The following ZNF675 variants were observed in gnomAD, a reference collection of about 807,000 sequenced individuals.
ZNF675 encodes zinc finger protein 675, also known as TRAF6 inhibitory zinc finger.
A neutral mutation model predicts 56.1 loss-of-function variants in ZNF675; 36 were observed. That is an observed-to-expected ratio of 0.64 (90% CI 0.49 to 0.85). ZNF675 has a LOEUF of 0.85. ZNF675 is among the 40% of genes least tolerant of loss of function. The pLI is 0.00. For synonymous variants in ZNF675, 200 were observed against 218.9 expected, an observed-to-expected ratio of 0.91 and a Z score of 0.76; for missense variants, 663 against 654.2, an observed-to-expected ratio of 1.01 and a Z score of -0.15.
At chr19:23,654,824 G>A in intron 3 of ZNF675, 118 bp from the exon 4 acceptor site, 1 of 749,570 alleles carries the variant, frequency 1.3e-6, no homozygotes, top group Non-Finnish European at 2.0e-6. Context: ...CCATAATTAA[G>A]TGTATGTGTT....
rs1967947828 is a variant in ZNF675 at position 23,654,078 on chromosome 19, T to C, written c.855A>G (p.Lys285=). The part of the protein sequence containing the change: ...KIIHTGEKPY[K]CEECGKAFNQ... ...TAAAGGCTTTGCCACATTCTTCACATTTGTAGGGTTTCTCTCCTGTATGAA... is the reference window on the plus strand; with the variant it reads ...TAAAGGCTTTGCCACATTCTTCACACTTGTAGGGTTTCTCTCCTGTATGAA... The change falls in exon 4 of 4, where the codon AAA becomes AAG. Residue 285 remains lysine (K), a synonymous_variant. Transcript: ENST00000359788. 6.2e-7 allele frequency: 1 copy of C among 1,613,848 alleles called. No individual in the cohort carries two copies. The highest frequency in any genetic ancestry group is 8.5e-7 in the Non-Finnish European group (1 of 1,180,002).
chr19:23,686,939 C>T, intron 1 of ZNF675, 92 bp downstream of exon 1: 1 of 1,488,862 alleles, frequency 6.7e-7, no homozygotes, highest in Middle Eastern at 1.7e-4. Context: ...GTGGAGCTGA[C>T]TGCGGGGAGG....
chr19:23,658,876 T>TATAGAAATAG (rs1472903851), intron 3 of ZNF675, among the ~76,000 whole-genome samples: 413 of 3,796 alleles, frequency 0.11, 2 homozygotes, highest in African/African-American at 0.17. Flanking sequence ...GATCTATAGA[T>TATAGAAATAG]ATCTATAGAT....
At chr19:23,679,319 A>G (rs1968344944) in intron 1 of ZNF675, among the ~76,000 whole-genome samples, 1 of 151,774 alleles carries the variant, frequency 6.6e-6, no homozygotes, top group Admixed American at 6.6e-5. Context: ...TGGTGCAGTA[A>G]TAACTATTTA....
intron 3 of ZNF675, among the ~76,000 whole-genome samples, chr19:23,661,220 G>A (rs1968072795): frequency 6.6e-6 from 1 of 152,028 alleles, no homozygotes; most frequent in Admixed American, 6.5e-5. Flanking sequence ...TTCTCAGAAA[G>A]CTTCTTTCTA....
chr19:23,685,104 A>G (rs1014287931), intron 1 of ZNF675, among the ~76,000 whole-genome samples: 1 of 152,144 alleles, frequency 6.6e-6, no homozygotes, highest in African/African-American at 2.4e-5. Flanking sequence ...AGCTCGGATT[A>G]CAGGCAGCCA....
At chr19:23,657,960 T>A (rs1428534483) in intron 3 of ZNF675, among the ~76,000 whole-genome samples, 1 of 151,748 alleles carries the variant, frequency 6.6e-6, no homozygotes, top group African/African-American at 2.4e-5. Context: ...AAAAAAACAA[T>A]AAACAGATGT....
intron 1 of ZNF675, among the ~76,000 whole-genome samples, chr19:23,667,339 G>C (rs1301380029): frequency 6.6e-6 from 1 of 152,132 alleles, no homozygotes. Context: ...AAAGAACAAA[G>C]CTTCCACACT....
intron 1 of ZNF675, among the ~76,000 whole-genome samples, chr19:23,674,596 C>T (rs969078167): frequency 5.0e-5 from 7 of 139,444 alleles, no homozygotes; most frequent in African/African-American, 8.3e-5. Flanking sequence ...TGAGCCTGGT[C>T]GACAGAACGA....
rs971847326 is a variant in ZNF675 at position 23,687,127 on chromosome 19, G to A, written c.-94C>T. ...CAGAGGCTGGACCTCTAGGAGCAGA[G>A]GACACAGAGCAATGAAAGCGAGACC... On this transcript the variant is annotated 5_prime_UTR_variant, in exon 1 of 4. Transcript: ENST00000359788. The A allele has an allele frequency of 4.0e-6, 6 of 1,511,584 alleles. No individual in the cohort carries two copies. Among genetic ancestry groups the A allele is most frequent in the Admixed American group, 1.7e-5 (1 of 58,120 alleles). The allele number at this position is 1,511,584 out of a possible 1,614,324, so 93.6% of individuals were successfully genotyped here. A position where few individuals can be genotyped will look rare whatever the true frequency, so the allele number is the denominator to read the frequency against.
In ZNF675 at chr19:23,653,053, C is replaced by T; in HGVS notation, c.*173G>A. 1.6e-6 allele frequency: 1 copy of T among 613,346 alleles called. No homozygotes were observed. The highest frequency in any genetic ancestry group is 4.6e-4 in the Middle Eastern group (1 of 2,192). The allele number at this position is 613,346 out of a possible 1,614,324, so 38.0% of individuals were successfully genotyped here. Reference sequence around the variant, plus strand: ...GCAATAAGGTTTGAGCCTTAATTAACAGTATTGCCAAATTCTTCACACTTG... The same window carrying T: ...GCAATAAGGTTTGAGCCTTAATTAATAGTATTGCCAAATTCTTCACACTTG... On this transcript the variant is annotated 3_prime_UTR_variant, in exon 4 of 4. Coordinates refer to ENST00000359788, the MANE Select transcript of ZNF675 (RefSeq NM_138330.3).
chr19:23,653,547 G>A lies in ZNF675; in HGVS notation c.1386C>T (p.Ile462=). 1 of 1,613,000 alleles carries A rather than the reference G, an allele frequency of 6.2e-7. No homozygotes were observed. The part of the protein sequence containing the change: ...YKCEECGKAF[I]QSSKLTEHKK... ...TATGTTCAGTAAGTTTTGAGGATTG[G>A]ATAAAAGCTTTGCCACATTCTTCAC... Residue 462 remains isoleucine, a synonymous_variant, in exon 4 of 4, where the codon ATC becomes ATT. Transcript: ENST00000359788.
chr19:23,682,075 CT>C (rs1968384411), intron 1 of ZNF675, among the ~76,000 whole-genome samples: 3 of 151,724 alleles, frequency 2.0e-5, no homozygotes, highest in Non-Finnish European at 4.4e-5. Context: ...TATTTTCTTC[CT>C]TTTCTTAAAA....
chr19:23,662,945 C>A, intron 2 of ZNF675, 87 bp downstream of exon 2: 11 of 1,304,668 alleles, frequency 8.4e-6, no homozygotes, highest in Non-Finnish European at 1.1e-5. Flanking sequence ...GATCGCACCA[C>A]TGCACTCTAG....
chr19:23,658,866 G>GATCTATAGATCTATAGATATAT (rs1968030665), intron 3 of ZNF675, among the ~76,000 whole-genome samples: 1 of 5,134 alleles, frequency 1.9e-4, no homozygotes, highest in African/African-American at 5.3e-4. Context: ...TATAGAAATA[G>GATCTATAGATCTATAGATATAT]ATCTATAGAT....
chr19:23,671,622 T>C (rs1784344042), intron 1 of ZNF675, among the ~76,000 whole-genome samples: 1 of 151,822 alleles, frequency 6.6e-6, no homozygotes, highest in East Asian at 1.9e-4. Context: ...AGGAATTAGA[T>C]GAAGACTGAA....
chr19:23,678,569 T>A (rs1431002450), intron 1 of ZNF675, among the ~76,000 whole-genome samples: 4 of 142,668 alleles, frequency 2.8e-5, no homozygotes, highest in African/African-American at 2.7e-5. Flanking sequence ...ATTCTTAACT[T>A]AAAAAAAAAA....
At chr19:23,674,837 T>C (rs552088856) in intron 1 of ZNF675, among the ~76,000 whole-genome samples, 1 of 151,190 alleles carries the variant, frequency 6.6e-6, no homozygotes, top group South Asian at 2.1e-4. Flanking sequence ...CTGGGCATGG[T>C]GGCACATGCC....
intron 1 of ZNF675, 135 bp from the exon 2 acceptor site, chr19:23,663,293 AT>A: frequency 8.7e-7 from 1 of 1,153,360 alleles, no homozygotes; most frequent in Non-Finnish European, 1.2e-6. Flanking sequence ...ATAAAATCAT[AT>A]TTTTTACACA....
Sources: allele counts gnomAD v4.1 joint callset (sites outside exome capture counted in the v4.1 genomes callset), GRCh38; gene constraint gnomAD v4.1.1; transcripts MANE v1.5; gene names NCBI Gene and HGNC (gene_info 2026-07-23, HGNC 2026-07-21).